Variants in CNTN5 observed in about 807,000 individuals in gnomAD.
The protein encoded by CNTN5 is contactin 5, also known as contactin-5.
CNTN5 carries 77 observed loss-of-function variants against 129.1 expected under a neutral mutation model. The observed-to-expected ratio is 0.60, with a 90% CI of 0.50 to 0.72. The LOEUF (loss-of-function observed/expected upper bound fraction) is 0.72. Ranked by LOEUF, CNTN5 falls within the 30% of genes least tolerant of loss-of-function variation. The pLI is 0.00. For synonymous variants in CNTN5, 509 were observed against 465.6 expected (o/e 1.09, Z -1.20); for missense variants, 1,478 against 1,328.8 (o/e 1.11, Z -1.75).
intron 2 of CNTN5, among the ~76,000 whole-genome samples, chr11:99,428,661 CATAAT>C (rs1377011488): frequency 8.6e-5 from 13 of 150,848 alleles, no homozygotes; most frequent in African/African-American, 1.5e-4. Context: ...TATTATCTAA[CATAAT>C]ATAACTTCAA....
chr11:99,205,743 G>A (rs1859446745), intron 1 of CNTN5, among the ~76,000 whole-genome samples: 2 of 151,934 alleles, frequency 1.3e-5, no homozygotes, highest in Admixed American at 6.6e-5. Context: ...GTAAACATTT[G>A]ACAATGTATA....
rs532360183 is a variant in CNTN5 at position 99,043,057 on chromosome 11, C to G, written c.-210+21787C>G. ...TTAATTCTGCTAAAGCCGTTCCTATCCTTATAAGAAAATAAAGAGTAAATA... is the reference window on the plus strand; with the variant it reads ...TTAATTCTGCTAAAGCCGTTCCTATGCTTATAAGAAAATAAAGAGTAAATA... On this transcript the variant is annotated intron_variant, in intron 1 of 24. Coordinates refer to ENST00000524871, the MANE Select transcript of CNTN5 (RefSeq NM_014361.4). Among the ~76,000 whole-genome samples, 4 of 152,156 alleles carry G rather than the reference C, an allele frequency of 2.6e-5. No individual in the cohort carries two copies. The East Asian group carries it at 7.8e-4, about 29-fold the overall frequency.
chr11:100,078,318 G>C (rs1330006206), intron 13 of CNTN5, among the ~76,000 whole-genome samples: 1 of 152,030 alleles, frequency 6.6e-6, no homozygotes, highest in Non-Finnish European at 1.5e-5. Context: ...AAAAAAATAT[G>C]ATTAACAAAT....
intron 4 of CNTN5, among the ~76,000 whole-genome samples, chr11:99,830,136 A>G (rs981360846): frequency 1.3e-5 from 2 of 152,070 alleles, no homozygotes; most frequent in African/African-American, 4.8e-5. Flanking sequence ...GGCGGGGAGC[A>G]TGTTCTTCTG....
chr11:99,612,028 G>A (rs1224141595), intron 3 of CNTN5, among the ~76,000 whole-genome samples: 1 of 152,110 alleles, frequency 6.6e-6, no homozygotes, highest in African/African-American at 2.4e-5. Context: ...GGGCTCACTA[G>A]AGCCACAACC....
At chr11:99,816,392 A>T (rs892956603) in intron 3 of CNTN5, among the ~76,000 whole-genome samples, 2 of 152,242 alleles carry the variant, frequency 1.3e-5, no homozygotes, top group African/African-American at 4.8e-5. Context: ...ACGTCTGCAG[A>T]ATCTTAACAT....
chr11:99,338,903 A>T, intron 2 of CNTN5, among the ~76,000 whole-genome samples: 1 of 131,800 alleles, frequency 7.6e-6, no homozygotes, highest in African/African-American at 2.7e-5. Flanking sequence ...AATTTTATGT[A>T]TTTTGTTCAT....
At chr11:99,973,322 G>T (rs1483390386) in intron 8 of CNTN5, among the ~76,000 whole-genome samples, 1 of 152,080 alleles carries the variant, frequency 6.6e-6, no homozygotes, top group Non-Finnish European at 1.5e-5. Flanking sequence ...TTAATTCCTA[G>T]TTTTTGTGGG....
At chr11:99,246,844 C>A (rs1243669088) in intron 1 of CNTN5, among the ~76,000 whole-genome samples, 1 of 152,112 alleles carries the variant, frequency 6.6e-6, no homozygotes, top group Admixed American at 6.6e-5. Flanking sequence ...AGGCTAGTCT[C>A]TTTATGCATA....
intron 2 of CNTN5, among the ~76,000 whole-genome samples, chr11:99,511,394 T>C (rs1400273527): frequency 6.6e-6 from 1 of 152,146 alleles, no homozygotes. Context: ...TTGATTGCAC[T>C]GTGGTCTGAG....
At chr11:99,464,227 G>A (rs796501894) in intron 2 of CNTN5, among the ~76,000 whole-genome samples, 3 of 152,182 alleles carry the variant, frequency 2.0e-5, no homozygotes, top group African/African-American at 7.2e-5. Flanking sequence ...GCCTTTGAAC[G>A]TAATCACAAT....
At chr11:99,145,992 C>G (rs1029195500) in intron 1 of CNTN5, among the ~76,000 whole-genome samples, 1 of 151,778 alleles carries the variant, frequency 6.6e-6, no homozygotes, top group African/African-American at 2.4e-5. Flanking sequence ...CTTTTCTATT[C>G]TCACATATAG....
chr11:99,145,295 C>T (rs1859724636), intron 1 of CNTN5, among the ~76,000 whole-genome samples: 1 of 152,022 alleles, frequency 6.6e-6, no homozygotes, highest in African/African-American at 2.4e-5. Flanking sequence ...GTCTCGAACT[C>T]CTGGACTCAA....
At chr11:99,907,194 GT>G (rs1448605975) in intron 6 of CNTN5, among the ~76,000 whole-genome samples, 2 of 152,018 alleles carry the variant, frequency 1.3e-5, no homozygotes, top group Non-Finnish European at 1.5e-5. Context: ...TGCTTCTCTA[GT>G]TCTTTTAATT....
intron 2 of CNTN5, among the ~76,000 whole-genome samples, chr11:99,544,695 C>T (rs1472089616): frequency 6.6e-6 from 1 of 151,932 alleles, no homozygotes; most frequent in Admixed American, 6.6e-5. Context: ...TAACTGGTTC[C>T]TAGGAGTCTG....
At chr11:99,061,035 T>G (rs1864854152) in intron 1 of CNTN5, among the ~76,000 whole-genome samples, 1 of 152,230 alleles carries the variant, frequency 6.6e-6, no homozygotes, top group Non-Finnish European at 1.5e-5. Flanking sequence ...TTCACCACAA[T>G]TTCTGAGATT....
chr11:99,262,438 G>T (rs534912572), intron 1 of CNTN5, among the ~76,000 whole-genome samples: 1 of 152,010 alleles, frequency 6.6e-6, no homozygotes, highest in East Asian at 1.9e-4. Context: ...TCTTCTACGG[G>T]AACTTCTTCC....
intron 1 of CNTN5, among the ~76,000 whole-genome samples, chr11:99,208,634 T>G (rs1363929526): frequency 6.6e-6 from 1 of 152,146 alleles, no homozygotes; most frequent in Non-Finnish European, 1.5e-5. Flanking sequence ...TAGGAAGAGA[T>G]AGTAAGTCAG....
intron 3 of CNTN5, among the ~76,000 whole-genome samples, chr11:99,623,689 G>GT (rs1478027870): frequency 7.3e-6 from 1 of 137,000 alleles, no homozygotes; most frequent in Admixed American, 8.9e-5. Flanking sequence ...ATCTCAACTA[G>GT]TTTTACCAAC....
Sources: allele counts gnomAD v4.1 joint callset (sites outside exome capture counted in the v4.1 genomes callset), GRCh38; gene constraint gnomAD v4.1.1; transcripts MANE v1.5; gene names NCBI Gene and HGNC (gene_info 2026-07-23, HGNC 2026-07-21).